SLC24A5: variants seen among roughly 807,000 people sequenced by gnomAD.
SLC24A5 encodes the protein sodium/potassium/calcium exchanger 5.
SLC24A5 carries 46 observed loss-of-function variants against 51.6 expected under a neutral mutation model. The observed-to-expected ratio is 0.89, with a 90% CI of 0.70 to 1.14. The LOEUF (loss-of-function observed/expected upper bound fraction) is 1.14, where lower values mean the gene tolerates loss of function less well. Ranked by LOEUF, SLC24A5 falls within the 50% of genes most tolerant of loss-of-function variation. The pLI is 0.00. For missense variants in SLC24A5, 581 were observed against 604.1 expected, an observed-to-expected ratio of 0.96 and a Z score of 0.40; for synonymous variants, 230 against 214.9, an observed-to-expected ratio of 1.07 and a Z score of -0.62.
At chr15:48,137,887 A>G (rs2038941695) in intron 6 of SLC24A5, 1 of 152,138 alleles carries the variant, frequency 6.6e-6, no homozygotes, top group Admixed American at 6.6e-5. Flanking sequence ...AAATTCAGCT[A>G]TGGTCAAAAT....
chr15:48,132,344 T>C (rs2038798628), intron 2 of SLC24A5, among the ~76,000 whole-genome samples: 1 of 152,238 alleles, frequency 6.6e-6, no homozygotes, highest in South Asian at 2.1e-4. Flanking sequence ...CTCCCCTCCC[T>C]GCCTTTACTC....
In SLC24A5 at chr15:48,142,024, T is replaced by C. The variant is rs757466712; in HGVS notation, c.1181-5T>C. 6.3e-7 allele frequency: 1 copy of C among 1,596,774 alleles called. No homozygotes were observed. Among genetic ancestry groups the C allele is most frequent in the Non-Finnish European group, 8.5e-7 (1 of 1,169,838 alleles). The stretch of plus-strand genomic sequence containing the variant: ...ACATTTTAACAGTATGCTTTTCTTT[T>C]GTAGGGAAAGGAGATATGGCTATGT... On this transcript the variant is annotated splice_polypyrimidine_tract_variant and splice_region_variant and intron_variant, in intron 8 of 8. Coordinates refer to ENST00000341459, the MANE Select transcript of SLC24A5 (RefSeq NM_205850.3).
At chr15:48,137,245 A>G in intron 6 of SLC24A5, 1 of 307,392 alleles carries the variant, frequency 3.3e-6, no homozygotes, top group Non-Finnish European at 6.0e-6. Flanking sequence ...CAGATAGGAG[A>G]TTTTCACAGA....
At chr15:48,132,752 G>A (rs557955358) in intron 2 of SLC24A5, among the ~76,000 whole-genome samples, 1 of 152,188 alleles carries the variant, frequency 6.6e-6, no homozygotes, top group Admixed American at 6.5e-5. Context: ...TGAAACAGCA[G>A]CAATTCCTTA....
chr15:48,121,333 A>T (rs1597248375), intron 1 of SLC24A5, among the ~76,000 whole-genome samples, 168 bp downstream of exon 1: 1 of 152,230 alleles, frequency 6.6e-6, no homozygotes, highest in African/African-American at 2.4e-5. Flanking sequence ...CCTTCAAATA[A>T]GTTCTTAAAT....
Position 48,134,970 on chromosome 15 carries a change from C to A in SLC24A5, c.576C>A (p.Asp192Glu). The change falls in exon 5 of 9, where the codon GAC becomes GAA. Residue 192 changes from aspartate (D) to glutamate (E), a missense_variant. Coordinates refer to ENST00000341459, the MANE Select transcript of SLC24A5 (RefSeq NM_205850.3). Reference protein sequence around the residue: ...SAAAVLGIIYDNQVYWYEGAL... With the variant: ...SAAAVLGIIYENQVYWYEGAL... ...CAGCAGTTCTTGGTATAATATATGA[C>A]AACCAAGTTTACTGGTAAGCTTGAA... The A allele has an allele frequency of 6.2e-7, 1 of 1,607,254 alleles. No individual in the cohort carries two copies. Among genetic ancestry groups the A allele is most frequent in the East Asian group, 2.2e-5 (1 of 44,732 alleles).
intron 8 of SLC24A5, 22 bp downstream of exon 8, chr15:48,141,236 C>T (rs776382362): frequency 1.1e-5 from 17 of 1,530,058 alleles, no homozygotes; most frequent in Admixed American, 1.7e-5. Flanking sequence ...GTCCCTCAAG[C>T]TGCAATGGTC....
intron 2 of SLC24A5, among the ~76,000 whole-genome samples, chr15:48,133,000 A>C (rs1322879136): frequency 6.6e-6 from 1 of 152,090 alleles, no homozygotes; most frequent in Non-Finnish European, 1.5e-5. Context: ...AAAAGGAATC[A>C]GTAAGCTCAA....
Position 48,139,145 on chromosome 15 carries a change from T to A in SLC24A5, c.1048T>A (p.Tyr350Asn). 6.2e-7 allele frequency: 1 copy of A among 1,612,634 alleles called. No homozygotes were observed. Among genetic ancestry groups the A allele is most frequent in the Non-Finnish European group, 8.5e-7 (1 of 1,179,172 alleles). Residue 350 changes from tyrosine to asparagine, a missense_variant, in exon 7 of 9, where the codon TAT becomes AAT. Physicochemically the swap from Tyr to Asn is moderately radical, Grantham distance 143 (BLOSUM62 -2). Transcript: ENST00000341459. ...TGCAATATGGATATCCGCATTTACA[T>A]ATATCCTGGTTTGGATGGTCACAAT... Reference protein sequence around the residue: ...MSAIWISAFTYILVWMVTITG... With the variant: ...MSAIWISAFTNILVWMVTITG...
chr15:48,121,890 C>G lies in SLC24A5; in HGVS notation c.155C>G (p.Ser52Trp). The G allele has an allele frequency of 6.2e-7, 1 of 1,614,146 alleles. No homozygotes were observed. Among genetic ancestry groups the G allele is most frequent in the Non-Finnish European group, 8.5e-7 (1 of 1,180,010 alleles). The change falls in exon 2 of 9, where the codon TCG becomes TGG. Residue 52 changes from serine (S) to tryptophan (W), a missense_variant. Ser to Trp is a radical substitution (Grantham distance 177). Coordinates refer to ENST00000341459, the MANE Select transcript of SLC24A5 (RefSeq NM_205850.3). ...ACCCAATGTGTTATTTCTCCATCAT[C>G]GGAGTTTCCCGAAGGGTTTTTCACG... ...NSTQCVISPSSEFPEGFFTRQ... is the reference protein window; with the variant it reads ...NSTQCVISPSWEFPEGFFTRQ...
chr15:48,133,159 A>G (rs2038812371), intron 2 of SLC24A5, among the ~76,000 whole-genome samples: 1 of 152,114 alleles, frequency 6.6e-6, no homozygotes, highest in African/African-American at 2.4e-5. Context: ...CTGAAGCGTC[A>G]AAAACCAATA....
Position 48,134,462 on chromosome 15 carries a change from G to C in SLC24A5, c.413G>C (p.Gly138Ala). 6.2e-7 allele frequency: 1 copy of C among 1,613,450 alleles called. No homozygotes were observed. Residue 138 changes from glycine to alanine, a missense_variant, in exon 4 of 9, where the codon GGC becomes GCC. Transcript: ENST00000341459. ...LGVFITKGDI[G>A]ISTILGSAIY... The stretch of plus-strand genomic sequence containing the variant: ...GTATTTATCACAAAGGGAGATATTG[G>C]CATTAGCACCATCCTTGGATCTGCA...
chr15:48,125,292 T>C (rs1336731989), intron 2 of SLC24A5, among the ~76,000 whole-genome samples: 1 of 148,112 alleles, frequency 6.8e-6, no homozygotes, highest in East Asian at 2.0e-4. Context: ...TATATGATTT[T>C]ATATATATAT....
chr15:48,125,161 C>A (rs2038717935), intron 2 of SLC24A5, among the ~76,000 whole-genome samples: 1 of 151,722 alleles, frequency 6.6e-6, no homozygotes, highest in Admixed American at 6.6e-5. Context: ...TCAACATAAC[C>A]CTCAAAACAG....
chr15:48,137,078 C>A, intron 6 of SLC24A5, 115 bp downstream of exon 6: 1 of 1,155,358 alleles, frequency 8.7e-7, no homozygotes, highest in Non-Finnish European at 1.2e-6. Flanking sequence ...TGTGAAGACT[C>A]AGAAATGATA....
chr15:48,123,504 A>G, intron 2 of SLC24A5: 1 of 152,120 alleles, frequency 6.6e-6, no homozygotes, highest in East Asian at 1.9e-4. Context: ...CAAAAACATT[A>G]TTTTTAATGA....
chr15:48,138,728 T>G (rs2038964049), intron 6 of SLC24A5: 4 of 444,528 alleles, frequency 9.0e-6, no homozygotes, highest in Non-Finnish European at 1.6e-5. Flanking sequence ...GCCCAAGACA[T>G]TTTTATAGAT....
chr15:48,134,889 AACACTATC>A lies in SLC24A5; in HGVS notation c.497_504del (p.Thr166MetfsTer14), dbSNP rs749313900. The stretch of plus-strand genomic sequence containing the variant: ...AATAACTTACCATATTACAGGTCTC[AACACTATC>A]ATGTTGGCCCCTATTCAGAGACTGT... On this transcript the variant is annotated frameshift_variant, in exon 5 of 9. Transcript: ENST00000341459. LOFTEE classifies it high-confidence loss of function. The A allele has an allele frequency of 3.9e-5, 62 of 1,609,202 alleles. No homozygotes were observed. Among genetic ancestry groups the A allele is most frequent in the Non-Finnish European group, 5.1e-6 (6 of 1,177,030 alleles).
rs1235133629 is a variant in SLC24A5, at chr15:48,121,147, C to T, written c.103C>T (p.Arg35Cys). Residue 35 changes from arginine (R) to cysteine (C), a missense_variant, in exon 1 of 9, where the codon CGT becomes TGT. Coordinates refer to ENST00000341459, the MANE Select transcript of SLC24A5 (RefSeq NM_205850.3). ...LPLSGTSLPQ[R>C]LPRATGNSTQ... is the part of the protein sequence containing the mutation. The stretch of plus-strand genomic sequence containing the variant: ...TCTCTCAGGGACCTCCCTGCCCCAA[C>T]GTCTCCCAAGGGCCACAGGTAGGTG... The T allele has an allele frequency of 2.5e-6, 4 of 1,613,136 alleles. No individual in the cohort carries two copies. Among genetic ancestry groups the T allele is most frequent in the East Asian group, 2.2e-5 (1 of 44,804 alleles).
Sources: allele counts gnomAD v4.1 joint callset (sites outside exome capture counted in the v4.1 genomes callset), GRCh38; gene constraint gnomAD v4.1.1; transcripts MANE v1.5; gene names NCBI Gene and HGNC (gene_info 2026-07-23, HGNC 2026-07-21).